Variants in TENM2 observed in about 807,000 individuals in gnomAD.
TENM2 encodes the protein teneurin transmembrane protein 2, also known as teneurin-2.
TENM2 carries 52 observed loss-of-function variants against 245.2 expected under a neutral mutation model. That is an observed-to-expected ratio of 0.21 (90% CI 0.17 to 0.27). The LOEUF (loss-of-function observed/expected upper bound fraction) is 0.27. Among genes scored for constraint, TENM2 ranks in the 10% least tolerant of loss-of-function variants. TENM2 has a pLI of 1.00. For synonymous variants in TENM2, 1,363 were observed against 1,438.9 expected (o/e 0.95, Z 1.19); for missense variants, 3,046 against 3,666.8 (o/e 0.83, Z 4.37).
At chr5:166,999,780 T>C in the TENM2 span, among the ~76,000 whole-genome samples, 1 of 152,026 alleles carries the variant, frequency 6.6e-6, no homozygotes, top group Admixed American at 6.5e-5. Flanking sequence ...AGGAATGTTT[T>C]ATATAGTTAG....
the TENM2 span, among the ~76,000 whole-genome samples, chr5:167,020,272 A>G: frequency 6.6e-6 from 1 of 152,330 alleles, no homozygotes; most frequent in East Asian, 1.9e-4. Flanking sequence ...TCAACATTCC[A>G]TGTGCTTGAG....
At chr5:168,022,391 A>G (rs1786228910) in intron 5 of TENM2, among the ~76,000 whole-genome samples, 1 of 152,210 alleles carries the variant, frequency 6.6e-6, no homozygotes, top group African/African-American at 2.4e-5. Flanking sequence ...CTTCTTAAAA[A>G]CAGTTTTCAA....
At chr5:167,839,553 C>CTGTGTGTG (rs748719441) in intron 2 of TENM2, among the ~76,000 whole-genome samples, 1 of 148,558 alleles carries the variant, frequency 6.7e-6, no homozygotes, top group Non-Finnish European at 1.5e-5. Context: ...TGTGAGGTGT[C>CTGTGTGTG]TGTGTGTGTG....
chr5:167,684,887 T>C (rs895436496), intron 2 of TENM2, among the ~76,000 whole-genome samples: 6 of 152,160 alleles, frequency 3.9e-5, no homozygotes, highest in Non-Finnish European at 8.8e-5. Flanking sequence ...AACTGCAACA[T>C]ACAGAGCTGA....
chr5:167,548,433 G>A (rs527273990), intron 2 of TENM2, among the ~76,000 whole-genome samples: 2 of 151,950 alleles, frequency 1.3e-5, no homozygotes, highest in Non-Finnish European at 2.9e-5. Context: ...AAGCATTTTA[G>A]CATCTTTGAA....
chr5:168,219,143 A>G (rs1763452693), intron 23 of TENM2, 144 bp downstream of exon 25: 8 of 763,994 alleles, frequency 1.0e-5, no homozygotes, highest in South Asian at 9.3e-5. Context: ...CAAGACATTC[A>G]TGTCCCCTCT....
chr5:167,146,340 G>T, the TENM2 span, among the ~76,000 whole-genome samples: 1 of 152,152 alleles, frequency 6.6e-6, no homozygotes, highest in Non-Finnish European at 1.5e-5. Flanking sequence ...CCCCAGGTGA[G>T]TTGATGAGAT....
At chr5:167,756,222 A>G (rs77937450) in intron 2 of TENM2, among the ~76,000 whole-genome samples, 1 of 150,244 alleles carries the variant, frequency 6.7e-6, no homozygotes, top group East Asian at 1.9e-4. Flanking sequence ...ATGTTGTATG[A>G]TATATATATA....
At chr5:168,185,260 G>C (rs560255194) in intron 13 of TENM2, 1 of 152,296 alleles carries the variant, frequency 6.6e-6, no homozygotes, top group East Asian at 1.9e-4. Context: ...TTTATTCATA[G>C]CTGCTTCTTA....
chr5:167,085,288 T>C, the TENM2 span, among the ~76,000 whole-genome samples: 1 of 152,206 alleles, frequency 6.6e-6, no homozygotes, highest in Non-Finnish European at 1.5e-5. Flanking sequence ...CCAATTGTTA[T>C]TCAAAATACA....
chr5:168,237,360 G>T (rs1765599064), intron 25 of TENM2, among the ~76,000 whole-genome samples: 1 of 151,864 alleles, frequency 6.6e-6, no homozygotes, highest in South Asian at 2.1e-4. Context: ...TGGAACTTTA[G>T]ATCATCAGAG....
At chr5:167,058,012 C>T in the TENM2 span, among the ~76,000 whole-genome samples, 1 of 152,092 alleles carries the variant, frequency 6.6e-6, no homozygotes, top group Non-Finnish European at 1.5e-5. Flanking sequence ...GAGGTTTCTG[C>T]TTGTGGCTTT....
At chr5:167,062,681 T>C in the TENM2 span, among the ~76,000 whole-genome samples, 1 of 152,170 alleles carries the variant, frequency 6.6e-6, no homozygotes, top group Non-Finnish European at 1.5e-5. Context: ...TCTGCTCTAA[T>C]GTAGGGAGAC....
At chr5:168,255,232 A>T (rs1767544975) in intron 27 of TENM2, among the ~76,000 whole-genome samples, 1 of 152,142 alleles carries the variant, frequency 6.6e-6, no homozygotes, top group Admixed American at 6.6e-5. Flanking sequence ...TGCTCTCTTA[A>T]TTCTTTCAAT....
At chr5:168,155,744 G>A (rs1757097000) in intron 12 of TENM2, among the ~76,000 whole-genome samples, 1 of 152,022 alleles carries the variant, frequency 6.6e-6, no homozygotes, top group Non-Finnish European at 1.5e-5. Context: ...GTGCTAAAGG[G>A]AAAGCTTACC....
chr5:167,984,032 G>A (rs1309429299), intron 4 of TENM2, among the ~76,000 whole-genome samples: 3 of 152,026 alleles, frequency 2.0e-5, no homozygotes, highest in Admixed American at 1.3e-4. Context: ...AGCATTTCAC[G>A]AATAAACTCA....
At chr5:167,268,855 C>T in the TENM2 span, among the ~76,000 whole-genome samples, 1 of 149,734 alleles carries the variant, frequency 6.7e-6, no homozygotes, top group East Asian at 2.0e-4. Flanking sequence ...GGCCTCAGCA[C>T]ATCCTTTCCA....
At chr5:167,841,353 T>C (rs566163499) in intron 2 of TENM2, among the ~76,000 whole-genome samples, 1 of 152,278 alleles carries the variant, frequency 6.6e-6, no homozygotes, top group South Asian at 2.1e-4. Flanking sequence ...TACCACACCC[T>C]GCCGTCATTC....
At chr5:168,168,682 A>C (rs1479637635) in intron 13 of TENM2, among the ~76,000 whole-genome samples, 2 of 13,920 alleles carry the variant, frequency 1.4e-4, no homozygotes, top group Non-Finnish European at 2.9e-4. Context: ...ACCCTGTCTC[A>C]AAAAAAAAAA....
Sources: allele counts gnomAD v4.1 joint callset (sites outside exome capture counted in the v4.1 genomes callset), GRCh38; gene constraint gnomAD v4.1.1; transcripts MANE v1.5; gene names NCBI Gene and HGNC (gene_info 2026-07-23, HGNC 2026-07-21).